TMTC1: variants seen among roughly 807,000 people sequenced by gnomAD.
TMTC1 encodes the protein transmembrane O-mannosyltransferase targeting cadherins 1.
In TMTC1, 73 loss-of-function variants were observed where a neutral mutation model predicts 104.8. The ratio of observed to expected loss-of-function variants is 0.70; its 90% CI spans 0.58 to 0.85. The LOEUF is 0.85. Ranked by LOEUF, TMTC1 falls within the 40% of genes least tolerant of loss-of-function variation. The pLI, the probability that TMTC1 is intolerant of heterozygous loss-of-function variation, is 0.00. For synonymous variants in TMTC1, 434 were observed against 428.7 expected (o/e 1.01, Z -0.15); for missense variants, 1,035 against 1,096.1 (o/e 0.94, Z 0.79).
At chr12:29,560,979 T>G (rs891335310) in intron 9 of TMTC1, among the ~76,000 whole-genome samples, 1 of 152,188 alleles carries the variant, frequency 6.6e-6, no homozygotes, top group Non-Finnish European at 1.5e-5. Flanking sequence ...TCAGACATTG[T>G]CTCATTTACC....
At chr12:29,531,304 C>T (rs1452464124) in intron 11 of TMTC1, among the ~76,000 whole-genome samples, 4 of 152,188 alleles carry the variant, frequency 2.6e-5, no homozygotes, top group African/African-American at 9.7e-5. Flanking sequence ...TAGGAGAGAA[C>T]CTACCTGACC....
chr12:29,531,678 T>C (rs951041690), intron 11 of TMTC1, among the ~76,000 whole-genome samples: 10 of 152,192 alleles, frequency 6.6e-5, no homozygotes, highest in Non-Finnish European at 1.5e-5. Flanking sequence ...ACAAAGAGTA[T>C]AGCAAGTCAG....
chr12:29,626,921 T>C (rs1025307835), intron 6 of TMTC1, among the ~76,000 whole-genome samples: 14 of 152,078 alleles, frequency 9.2e-5, no homozygotes, highest in Admixed American at 3.3e-4. Flanking sequence ...GCCAACACAG[T>C]GAAACCACAT....
intron 2 of TMTC1, among the ~76,000 whole-genome samples, chr12:29,767,385 T>C (rs10843503): frequency 0.39 from 60,041 of 152,078 alleles, 12,406 homozygotes; most frequent in Admixed American, 0.54. Flanking sequence ...TTTTTATAGT[T>C]CTTCCCCAGC....
At chr12:29,716,515 T>C (rs1481360839) in intron 5 of TMTC1, among the ~76,000 whole-genome samples, 2 of 152,158 alleles carry the variant, frequency 1.3e-5, no homozygotes, top group Non-Finnish European at 2.9e-5. Context: ...AAAATATTCA[T>C]AATTAATACA....
intron 5 of TMTC1, among the ~76,000 whole-genome samples, chr12:29,664,023 T>C (rs1447019868): frequency 6.6e-6 from 1 of 151,118 alleles, no homozygotes; most frequent in African/African-American, 2.4e-5. Flanking sequence ...CCGTCTCTAC[T>C]AAAAATACAA....
rs942922526 is a variant in TMTC1 at position 29,501,077 on chromosome 12, A to T, written c.*5769T>A. Reference sequence around the variant, plus strand: ...TCATTTCCCCCTGACAAAAGGAGGGATCTGCGTGAATTACAGCAAATCAAA... The same window carrying T: ...TCATTTCCCCCTGACAAAAGGAGGGTTCTGCGTGAATTACAGCAAATCAAA... On this transcript the variant is annotated 3_prime_UTR_variant, in exon 18 of 18. Coordinates refer to ENST00000539277, the MANE Select transcript of TMTC1 (RefSeq NM_001193451.2). 6.6e-6 allele frequency: 1 copy of T among 152,572 alleles called. No individual in the cohort carries two copies. The highest frequency in any genetic ancestry group is 1.5e-5 in the Non-Finnish European group (1 of 68,042). The allele number at this position is 152,572 out of a possible 1,614,324, so 9.5% of individuals were successfully genotyped here. A position where few individuals can be genotyped will look rare whatever the true frequency, so the allele number is the denominator to read the frequency against.
intron 7 of TMTC1, among the ~76,000 whole-genome samples, chr12:29,595,176 A>C (rs917634342): frequency 1.3e-5 from 2 of 152,220 alleles, no homozygotes; most frequent in African/African-American, 4.8e-5. Context: ...TTTAGAGCTT[A>C]ACAGACACAA....
chr12:29,576,120 G>A (rs554676781), intron 8 of TMTC1, among the ~76,000 whole-genome samples: 2 of 152,268 alleles, frequency 1.3e-5, no homozygotes, highest in Non-Finnish European at 2.9e-5. Flanking sequence ...CAATTTAGTT[G>A]TATGGGTTGC....
At chr12:29,769,816 T>C (rs780945664) in intron 1 of TMTC1, among the ~76,000 whole-genome samples, 3 of 152,136 alleles carry the variant, frequency 2.0e-5, no homozygotes, top group African/African-American at 4.8e-5. Flanking sequence ...GCAACATGCA[T>C]TGGAGGCTTT....
chr12:29,624,942 T>A (rs1937898468), intron 6 of TMTC1, among the ~76,000 whole-genome samples: 2 of 152,140 alleles, frequency 1.3e-5, no homozygotes, highest in African/African-American at 4.8e-5. Context: ...AAGGTGAAAA[T>A]GAAAGATCTT....
At chr12:29,661,785 A>G (rs1940041819) in intron 5 of TMTC1, among the ~76,000 whole-genome samples, 1 of 152,040 alleles carries the variant, frequency 6.6e-6, no homozygotes, top group Non-Finnish European at 1.5e-5. Context: ...CTGTGTTAGG[A>G]TTAGAGCTCA....
At chr12:29,542,993 T>C (rs1156566542) in intron 10 of TMTC1, among the ~76,000 whole-genome samples, 1 of 152,146 alleles carries the variant, frequency 6.6e-6, no homozygotes, top group East Asian at 1.9e-4. Flanking sequence ...GCAGCAAAAC[T>C]CAACTCTCTC....
At chr12:29,626,823 A>G (rs935288867) in intron 6 of TMTC1, among the ~76,000 whole-genome samples, 8 of 152,212 alleles carry the variant, frequency 5.3e-5, no homozygotes, top group Non-Finnish European at 8.8e-5. Context: ...ACTTTTGGTC[A>G]GGCATGGTGG....
rs1943583980 is a variant in TMTC1, at chr12:29,501,253, T to G, written c.*5593A>C. On this transcript the variant is annotated 3_prime_UTR_variant, in exon 18 of 18. Transcript: ENST00000539277. The stretch of plus-strand genomic sequence containing the variant: ...ACTGCAAAATAGGAGTAACTACCTC[T>G]GCCATGTTCAAGCACTTGGGCAATT... The G allele has an allele frequency of 6.6e-6, 1 of 152,240 alleles. No homozygotes were observed. The highest frequency in any genetic ancestry group is 1.9e-4 in the East Asian group (1 of 5,200). The allele number at this position is 152,240 out of a possible 1,614,324, so 9.4% of individuals were successfully genotyped here. A position where few individuals can be genotyped will look rare whatever the true frequency, so the allele number is the denominator to read the frequency against.
At chr12:29,618,154 T>C (rs983056768) in intron 6 of TMTC1, among the ~76,000 whole-genome samples, 3 of 152,020 alleles carry the variant, frequency 2.0e-5, no homozygotes, top group East Asian at 3.9e-4. Context: ...ATGGATGAGA[T>C]ATGAAATTTG....
intron 10 of TMTC1, among the ~76,000 whole-genome samples, chr12:29,543,719 A>G (rs73266010): frequency 0.03 from 4,588 of 151,992 alleles, 210 homozygotes; most frequent in African/African-American, 0.1. Flanking sequence ...CAGAGCACAC[A>G]TGTTTCTGTA....
intron 11 of TMTC1, chr12:29,534,520 T>C (rs1027381793): frequency 6.6e-6 from 1 of 152,246 alleles, no homozygotes; most frequent in South Asian, 2.1e-4. Flanking sequence ...AATAACTTGA[T>C]AGCAATTTGC....
At chr12:29,705,317 A>T (rs1941710662) in intron 5 of TMTC1, among the ~76,000 whole-genome samples, 1 of 152,234 alleles carries the variant, frequency 6.6e-6, no homozygotes, top group Non-Finnish European at 1.5e-5. Context: ...ACTCCAAAAT[A>T]AGCTGCCTTG....
Sources: allele counts gnomAD v4.1 joint callset (sites outside exome capture counted in the v4.1 genomes callset), GRCh38; gene constraint gnomAD v4.1.1; transcripts MANE v1.5; gene names NCBI Gene and HGNC (gene_info 2026-07-23, HGNC 2026-07-21).